The following EPHB1 variants were observed in gnomAD, a reference collection of about 807,000 sequenced individuals.
The protein encoded by EPHB1 is EPH receptor B1, also known as ephrin type-B receptor 1.
EPHB1 carries 30 observed loss-of-function variants against 94.4 expected under a neutral mutation model. That is an observed-to-expected ratio of 0.32 (90% CI 0.24 to 0.43). The LOEUF is 0.43. Among genes scored for constraint, EPHB1 ranks in the 20% least tolerant of loss-of-function variants. EPHB1 has a pLI of 1.00. For synonymous variants in EPHB1, 522 were observed against 489.1 expected (o/e 1.07, Z -0.89); for missense variants, 1,055 against 1,308.3 (o/e 0.81, Z 2.99).
intron 4 of EPHB1, among the ~76,000 whole-genome samples, chr3:135,113,960 AG>A (rs1487271651): frequency 6.6e-6 from 1 of 152,170 alleles, no homozygotes; most frequent in East Asian, 1.9e-4. Flanking sequence ...TCAGTAGAAA[AG>A]TCATGGATTT....
intron 1 of EPHB1, among the ~76,000 whole-genome samples, chr3:134,806,992 C>T (rs1404681402): frequency 1.3e-5 from 2 of 152,164 alleles, no homozygotes; most frequent in Non-Finnish European, 2.9e-5. Context: ...AGCAAGTGGG[C>T]TTAGGTTTGC....
chr3:135,179,838 C>A (rs374397649), intron 9 of EPHB1, 22 bp from the exon 10 acceptor site: 3 of 1,613,046 alleles, frequency 1.9e-6, no homozygotes, highest in African/African-American at 1.3e-5. Context: ...GGATGTTAAC[C>A]CTGCTTATCT....
intron 4 of EPHB1, among the ~76,000 whole-genome samples, chr3:135,123,229 C>T (rs1023082504): frequency 8.5e-5 from 13 of 152,184 alleles, no homozygotes; most frequent in Non-Finnish European, 1.6e-4. Flanking sequence ...AGAGTTTTCT[C>T]ATGATTAAAC....
At chr3:135,256,394 G>A (rs1157060171) in intron 15 of EPHB1, among the ~76,000 whole-genome samples, 2 of 152,132 alleles carry the variant, frequency 1.3e-5, no homozygotes, top group African/African-American at 4.8e-5. Context: ...TCCTTCAGGA[G>A]CTCTTGTAGG....
intron 1 of EPHB1, among the ~76,000 whole-genome samples, chr3:134,814,670 T>C (rs1457151419): frequency 1.3e-5 from 2 of 152,214 alleles, no homozygotes; most frequent in African/African-American, 4.8e-5. Flanking sequence ...CTTGTGCCTC[T>C]CTGTCTTGGA....
chr3:134,892,377 A>G (rs1051793835), intron 1 of EPHB1, among the ~76,000 whole-genome samples: 4 of 152,238 alleles, frequency 2.6e-5, no homozygotes, highest in African/African-American at 7.2e-5. Context: ...CTTCACCTCC[A>G]AAAGGGCAGT....
intron 3 of EPHB1, among the ~76,000 whole-genome samples, chr3:135,003,791 T>G (rs1052721671): frequency 1.8e-4 from 27 of 152,002 alleles, no homozygotes; most frequent in African/African-American, 5.8e-4. Context: ...CCCCCGCCTT[T>G]TTTTGTTTTC....
At chr3:134,821,528 G>A (rs1399496968) in intron 1 of EPHB1, among the ~76,000 whole-genome samples, 5 of 152,090 alleles carry the variant, frequency 3.3e-5, no homozygotes, top group African/African-American at 4.8e-5. Flanking sequence ...AGGTGGATGG[G>A]GTGGGGAGAC....
At chr3:135,176,544 ACTT>A (rs1941983990) in intron 9 of EPHB1, among the ~76,000 whole-genome samples, 1 of 152,310 alleles carries the variant, frequency 6.6e-6, no homozygotes, top group East Asian at 1.9e-4. Context: ...ACACACACAT[ACTT>A]CTTAATTCTA....
At chr3:134,827,306 A>C (rs1259911770) in intron 1 of EPHB1, among the ~76,000 whole-genome samples, 1 of 152,194 alleles carries the variant, frequency 6.6e-6, no homozygotes, top group Admixed American at 6.5e-5. Flanking sequence ...TCCCATTACA[A>C]TTATTTTGGT....
At chr3:135,074,683 T>C (rs1247959814) in intron 3 of EPHB1, among the ~76,000 whole-genome samples, 1 of 152,240 alleles carries the variant, frequency 6.6e-6, no homozygotes, top group Admixed American at 6.5e-5. Context: ...CCAGCTTCTA[T>C]ACTGTGGCTT....
intron 10 of EPHB1, among the ~76,000 whole-genome samples, chr3:135,186,659 T>A (rs1187194962): frequency 6.6e-6 from 1 of 152,240 alleles, no homozygotes; most frequent in African/African-American, 2.4e-5. Flanking sequence ...TTGAAATACC[T>A]GCTGGCAGGT....
chr3:134,908,978 T>A (rs2038396193), intron 1 of EPHB1, among the ~76,000 whole-genome samples: 1 of 151,796 alleles, frequency 6.6e-6, no homozygotes, highest in East Asian at 1.9e-4. Flanking sequence ...GGTCCTGGAA[T>A]CCATCAACAG....
intron 3 of EPHB1, among the ~76,000 whole-genome samples, chr3:135,089,512 C>G (rs1267898729): frequency 6.6e-6 from 1 of 152,204 alleles, no homozygotes; most frequent in Admixed American, 6.5e-5. Flanking sequence ...GCACATAGAC[C>G]TTGCCTTGGA....
At chr3:134,952,501 C>T (rs373901149) in intron 3 of EPHB1, among the ~76,000 whole-genome samples, 33 of 152,142 alleles carry the variant, frequency 2.2e-4, no homozygotes, top group East Asian at 1.7e-3. Context: ...TGAGAAGGGA[C>T]TGAATTTGGA....
At chr3:135,035,898 C>T (rs1303526372) in intron 3 of EPHB1, among the ~76,000 whole-genome samples, 2 of 138,594 alleles carry the variant, frequency 1.4e-5, no homozygotes, top group Non-Finnish European at 3.2e-5. Flanking sequence ...GTAGTTGGCT[C>T]ATGGGATTTG....
chr3:135,079,155 A>G (rs1938065282), intron 3 of EPHB1, among the ~76,000 whole-genome samples: 1 of 152,162 alleles, frequency 6.6e-6, no homozygotes, highest in African/African-American at 2.4e-5. Context: ...ACAGTTACCC[A>G]TGATCGCATC....
chr3:134,798,141 G>A (rs569625509), intron 1 of EPHB1, among the ~76,000 whole-genome samples: 4 of 152,222 alleles, frequency 2.6e-5, no homozygotes, highest in South Asian at 4.1e-4. Flanking sequence ...AGACTCTCAT[G>A]TGTCTGTCTG....
intron 3 of EPHB1, among the ~76,000 whole-genome samples, chr3:134,961,331 C>T (rs911631323): frequency 1.3e-5 from 2 of 152,136 alleles, no homozygotes; most frequent in African/African-American, 2.4e-5. Context: ...CACCCCATGA[C>T]CCCACTTTGC....
Sources: gnomAD v4.1 joint callset for allele counts (sites outside exome capture counted in the v4.1 genomes callset) on GRCh38, gnomAD v4.1.1 for gene constraint, MANE v1.5 for transcripts, NCBI Gene and HGNC (gene_info 2026-07-23, HGNC 2026-07-21) for gene names.